The following CHCHD6 variants were observed in gnomAD, a reference collection of about 807,000 sequenced individuals.
CHCHD6 encodes MICOS complex subunit MIC25.
CHCHD6 carries 28 observed loss-of-function variants against 32.3 expected under a neutral mutation model. The observed-to-expected ratio is 0.87, with a 90% CI of 0.64 to 1.19. CHCHD6 has a LOEUF of 1.19. CHCHD6 is among the 50% of genes most tolerant of loss of function. The pLI is 0.00. For missense variants in CHCHD6, 333 were observed against 307.0 expected (o/e 1.08, Z -0.63); for synonymous variants, 122 against 117.5 (o/e 1.04, Z -0.25).
intron 1 of CHCHD6, among the ~76,000 whole-genome samples, chr3:126,722,838 T>C (rs952168663): frequency 6.6e-6 from 1 of 152,216 alleles, no homozygotes; most frequent in Admixed American, 6.5e-5. Context: ...TTTCTTTCAT[T>C]GCTCATGCTT....
intron 4 of CHCHD6, among the ~76,000 whole-genome samples, chr3:126,795,602 T>G (rs1938754905): frequency 6.6e-6 from 1 of 152,202 alleles, no homozygotes; most frequent in South Asian, 2.1e-4. Context: ...ATTTTATGTT[T>G]GGTTTGGCTT....
chr3:126,775,161 T>G (rs1219905341), intron 4 of CHCHD6, among the ~76,000 whole-genome samples: 1 of 152,228 alleles, frequency 6.6e-6, no homozygotes, highest in Non-Finnish European at 1.5e-5. Flanking sequence ...TTCAAAGATT[T>G]GGTTCACATT....
chr3:126,873,725 G>A (rs897416542), intron 5 of CHCHD6, among the ~76,000 whole-genome samples: 6 of 152,168 alleles, frequency 3.9e-5, no homozygotes, highest in Non-Finnish European at 5.9e-5. Context: ...TGCATGGAGG[G>A]ACCAGCCATG....
intron 5 of CHCHD6, among the ~76,000 whole-genome samples, chr3:126,863,304 C>T (rs1403125869): frequency 4.2e-5 from 6 of 142,502 alleles, no homozygotes; most frequent in Admixed American, 6.8e-5. Flanking sequence ...CCTCCTCCTC[C>T]TCCTCCTCCA....
intron 5 of CHCHD6, among the ~76,000 whole-genome samples, chr3:126,875,816 GA>G (rs1198565485): frequency 6.6e-6 from 1 of 152,180 alleles, no homozygotes; most frequent in African/African-American, 2.4e-5. Context: ...TGAAATATCA[GA>G]AAAATCACAT....
At chr3:126,887,264 T>C (rs909337964) in intron 5 of CHCHD6, among the ~76,000 whole-genome samples, 1 of 151,916 alleles carries the variant, frequency 6.6e-6, no homozygotes, top group African/African-American at 2.4e-5. Context: ...TTTTTTTTTT[T>C]AATCTATAGA....
chr3:126,799,132 G>A (rs1938941357), intron 4 of CHCHD6, among the ~76,000 whole-genome samples: 1 of 152,174 alleles, frequency 6.6e-6, no homozygotes, highest in Non-Finnish European at 1.5e-5. Flanking sequence ...TTCCTTAAAG[G>A]CAGAGTCTGT....
intron 4 of CHCHD6, among the ~76,000 whole-genome samples, chr3:126,799,595 G>A (rs1015931873): frequency 6.6e-6 from 1 of 152,138 alleles, no homozygotes; most frequent in Non-Finnish European, 1.5e-5. Flanking sequence ...TCTGGAAGCA[G>A]AGATTCTCAG....
At chr3:126,875,266 G>T (rs1488789105) in intron 5 of CHCHD6, among the ~76,000 whole-genome samples, 1 of 152,254 alleles carries the variant, frequency 6.6e-6, no homozygotes, top group Non-Finnish European at 1.5e-5. Flanking sequence ...ACCCTGCATG[G>T]GTCCTGGGGA....
rs190554111 is a variant in CHCHD6, at chr3:126,842,147, C to T, written c.412-10500C>T. On this transcript the variant is annotated intron_variant, in intron 4 of 7. Coordinates refer to ENST00000290913, the MANE Select transcript of CHCHD6 (RefSeq NM_032343.3). ...CATGCGCCTGTAGTACCAGCTACTCCGGAGGCTGAGGTGGAAGTATCACTT... is the reference window on the plus strand; with the variant it reads ...CATGCGCCTGTAGTACCAGCTACTCTGGAGGCTGAGGTGGAAGTATCACTT... Among the ~76,000 whole-genome samples the T allele has an allele frequency of 9.0e-3, 1,362 of 151,854 alleles. 12 individuals are homozygous for T. The highest frequency in any genetic ancestry group is 0.017 in the Middle Eastern group (5 of 292).
chr3:126,721,604 T>C (rs1935297997), intron 1 of CHCHD6, among the ~76,000 whole-genome samples: 1 of 152,242 alleles, frequency 6.6e-6, no homozygotes, highest in Non-Finnish European at 1.5e-5. Context: ...TCACATGCTG[T>C]ACAATACATC....
At chr3:126,794,993 A>G (rs1576425040) in intron 4 of CHCHD6, among the ~76,000 whole-genome samples, 1 of 152,050 alleles carries the variant, frequency 6.6e-6, no homozygotes, top group East Asian at 1.9e-4. Flanking sequence ...TATTATTGAT[A>G]CCATTTTTTT....
chr3:126,827,440 A>T (rs902165203), intron 4 of CHCHD6, among the ~76,000 whole-genome samples: 1 of 152,188 alleles, frequency 6.6e-6, no homozygotes, highest in African/African-American at 2.4e-5. Flanking sequence ...AAAAGTCCAC[A>T]TGAGGTTGCC....
intron 5 of CHCHD6, among the ~76,000 whole-genome samples, chr3:126,890,965 T>C (rs1345360661): frequency 6.6e-5 from 10 of 152,158 alleles, no homozygotes. Flanking sequence ...ATGTGAGAGA[T>C]TTTTAGGAAG....
chr3:126,849,601 A>G (rs1419652444), intron 4 of CHCHD6, among the ~76,000 whole-genome samples: 2 of 152,220 alleles, frequency 1.3e-5, no homozygotes, highest in African/African-American at 4.8e-5. Flanking sequence ...TAGAGTCAAC[A>G]TTCTTAATTT....
intron 5 of CHCHD6, among the ~76,000 whole-genome samples, chr3:126,876,823 G>A (rs974588032): frequency 3.3e-5 from 5 of 152,128 alleles, no homozygotes; most frequent in African/African-American, 1.2e-4. Context: ...GATTGAAGAA[G>A]AAAAAGAGTT....
At chr3:126,797,229 C>T (rs1215601273) in intron 4 of CHCHD6, among the ~76,000 whole-genome samples, 1 of 152,140 alleles carries the variant, frequency 6.6e-6, no homozygotes, top group East Asian at 1.9e-4. Context: ...CTGTGTGTTG[C>T]TTTGCTGAGG....
chr3:126,726,656 A>C (rs1162247342), intron 1 of CHCHD6, among the ~76,000 whole-genome samples: 1 of 152,202 alleles, frequency 6.6e-6, no homozygotes, highest in Non-Finnish European at 1.5e-5. Flanking sequence ...TTCCCTGGAG[A>C]AGGGGACATT....
chr3:126,773,602 C>CTTT lies in CHCHD6; in HGVS notation c.411+40402_411+40404dup, dbSNP rs769256372. 1.4e-3 allele frequency among the ~76,000 whole-genome samples: 126 copies of CTTT among 89,932 alleles called. 2 individuals carry two copies. Among genetic ancestry groups the CTTT allele is most frequent in the African/African-American group, 2.5e-3 (56 of 22,826 alleles). 59.0% of individuals were successfully genotyped at this position (89,932 alleles called of 152,430 possible). A position where few individuals can be genotyped will look rare whatever the true frequency, so the allele number is the denominator to read the frequency against. ...GTTGGTTCTGACAGTTTCTGCTTTTCTTTTTTTTTTTTTTTTTTTTTTTTG... is the reference window on the plus strand; with the variant it reads ...GTTGGTTCTGACAGTTTCTGCTTTTCTTTTTTTTTTTTTTTTTTTTTTTTTTTG... On this transcript the variant is annotated intron_variant, in intron 4 of 7. Coordinates refer to ENST00000290913, the MANE Select transcript of CHCHD6 (RefSeq NM_032343.3).
Sources: allele counts gnomAD v4.1 joint callset (sites outside exome capture counted in the v4.1 genomes callset), GRCh38; gene constraint gnomAD v4.1.1; transcripts MANE v1.5; gene names NCBI Gene and HGNC (gene_info 2026-07-23, HGNC 2026-07-21).